Variants in HIGD2B observed in about 807,000 individuals in gnomAD.
HIGD2B encodes HIG1 hypoxia inducible domain family member 2B.
For synonymous variants in HIGD2B, 45 were observed against 28.1 expected (o/e 1.60, Z -1.90); for missense variants, 106 against 67.0 (o/e 1.58, Z -2.03).
At chr15:72,679,365 CAA>C (rs33992211) in intron 2 of HIGD2B, among the ~76,000 whole-genome samples, 1 of 123,540 alleles carries the variant, frequency 8.1e-6, no homozygotes, top group Non-Finnish European at 1.6e-5. Flanking sequence ...AACTGTGTCT[CAA>C]AAAAAAAAAA....
intron 2 of HIGD2B, among the ~76,000 whole-genome samples, chr15:72,678,872 C>T (rs1457551276): frequency 6.6e-6 from 1 of 151,984 alleles, no homozygotes; most frequent in African/African-American, 2.4e-5. Flanking sequence ...TGGCGCATGC[C>T]TGTAGTCCCA....
intron 2 of HIGD2B, among the ~76,000 whole-genome samples, chr15:72,679,436 A>G (rs1259283957): frequency 6.6e-6 from 1 of 151,642 alleles, no homozygotes; most frequent in Non-Finnish European, 1.5e-5. Context: ...GAAAGAAGGA[A>G]GGGAAGGAAG....
intron 1 of HIGD2B, among the ~76,000 whole-genome samples, chr15:72,683,509 C>T (rs774718749): frequency 3.3e-5 from 5 of 151,154 alleles, no homozygotes; most frequent in Non-Finnish European, 7.4e-5. Flanking sequence ...AGTAACCCCG[C>T]CCATGAAGAG....
chr15:72,676,930 AC>A (rs1335246316), intron 2 of HIGD2B, among the ~76,000 whole-genome samples: 1 of 152,184 alleles, frequency 6.6e-6, no homozygotes, highest in African/African-American at 2.4e-5. Context: ...GCGTGACAAA[AC>A]TGCACAGAAC....
At chr15:72,680,620 C>T (rs1273720424) in intron 1 of HIGD2B, among the ~76,000 whole-genome samples, 1 of 152,204 alleles carries the variant, frequency 6.6e-6, no homozygotes, top group Non-Finnish European at 1.5e-5. Context: ...GGTGCGTTGG[C>T]TCACGCCTGT....
rs2064683002 is a variant in HIGD2B at position 72,675,944 on chromosome 15, C to T, written c.*110G>A. On this transcript the variant is annotated 3_prime_UTR_variant, in exon 3 of 3. Coordinates refer to ENST00000311755, the MANE Select transcript of HIGD2B (RefSeq NM_001350932.3). The stretch of plus-strand genomic sequence containing the variant: ...TTACAGGAAGGGTCACTTCCTCCCC[C>T]AACGACACAGGGACCTCTCAAAGGA... 2 of 602,380 alleles carry T rather than the reference C, an allele frequency of 3.3e-6. No individual in the cohort carries two copies. Among genetic ancestry groups the T allele is most frequent in the Non-Finnish European group, 5.9e-6 (2 of 336,378 alleles). 37.3% of individuals were successfully genotyped at this position (602,380 alleles called of 1,614,324 possible). A position where few individuals can be genotyped will look rare whatever the true frequency, so the allele number is the denominator to read the frequency against.
chr15:72,685,521 C>A (rs866417341), intron 1 of HIGD2B, among the ~76,000 whole-genome samples: 6 of 152,142 alleles, frequency 3.9e-5, no homozygotes, highest in South Asian at 2.1e-4. Flanking sequence ...GCACCGGGGG[C>A]CAGACAGGTA....
At chr15:72,685,213 CCT>C (rs947390155) in intron 1 of HIGD2B, among the ~76,000 whole-genome samples, 12 of 152,212 alleles carry the variant, frequency 7.9e-5, no homozygotes, top group African/African-American at 2.6e-4. Context: ...TGGGGTTCTC[CCT>C]CTCTTAGAGG....
chr15:72,677,172 A>C (rs1054506346), intron 2 of HIGD2B, among the ~76,000 whole-genome samples: 3 of 152,162 alleles, frequency 2.0e-5, no homozygotes, highest in African/African-American at 7.2e-5. Context: ...GCTCACACCT[A>C]TAATCCCAGC....
chr15:72,677,598 T>C (rs1254596305), intron 2 of HIGD2B, among the ~76,000 whole-genome samples: 1 of 151,488 alleles, frequency 6.6e-6, no homozygotes, highest in African/African-American at 2.4e-5. Context: ...TCTGTATCTA[T>C]AAAAAATGAA....
intron 1 of HIGD2B, among the ~76,000 whole-genome samples, chr15:72,684,319 A>G (rs368755228): frequency 4.6e-5 from 7 of 152,184 alleles, no homozygotes; most frequent in East Asian, 1.9e-4. Flanking sequence ...GTAAAGTTAC[A>G]AAGACATTTA....
Position 72,676,369 on chromosome 15 carries a change from C to G in HIGD2B, c.6G>C (p.Ala2=), listed in dbSNP as rs757372228. The change falls in exon 3 of 3, where the codon GCG becomes GCC. Residue 2 remains alanine, a synonymous_variant. Coordinates refer to ENST00000311755, the MANE Select transcript of HIGD2B (RefSeq NM_001350932.3). The part of the protein sequence containing the change: M[A]TLGFVTPEAP... ...CCTCCGGAGTCACAAAGCCGAGAGT[C>G]GCCATGCCTAGGCCACAGCTGCAGG... is the stretch of plus-strand genomic sequence containing the variant. The G allele has an allele frequency of 4.0e-6, 3 of 753,716 alleles. No individual in the cohort carries two copies. Among genetic ancestry groups the G allele is most frequent in the South Asian group, 2.7e-5 (2 of 73,128 alleles). The allele number at this position is 753,716 out of a possible 1,614,324, so 46.7% of individuals were successfully genotyped here. A position where few individuals can be genotyped will look rare whatever the true frequency, so the allele number is the denominator to read the frequency against.
In HIGD2B at chr15:72,686,178, C is replaced by T. The variant is rs374945889; in HGVS notation, c.-553G>A. The T allele has an allele frequency of 1.7e-5, 26 of 1,540,466 alleles. No individual in the cohort carries two copies. The highest frequency in any genetic ancestry group is 2.3e-4 in the Middle Eastern group (1 of 4,382). ...GCCCTACGACTTCCGCTTGCCTCGT[C>T]GTCTGGGAAACCGCCGACTTCCGGC... On this transcript the variant is annotated 5_prime_UTR_variant, in exon 1 of 3. Coordinates refer to ENST00000311755, the MANE Select transcript of HIGD2B (RefSeq NM_001350932.3).
In HIGD2B at chr15:72,680,085, T is replaced by A. The variant is rs1272782696; in HGVS notation, c.-84A>T. On this transcript the variant is annotated 5_prime_UTR_variant, in exon 2 of 3. Coordinates refer to ENST00000311755, the MANE Select transcript of HIGD2B (RefSeq NM_001350932.3). ...TCATATTCCTCATAGATTCCCTGCT[T>A]TTGCCTGGGCAAAATAGTCCATCAA... The A allele has an allele frequency of 4.9e-6, 2 of 405,282 alleles. No homozygotes were observed. The highest frequency in any genetic ancestry group is 4.0e-5 in the Admixed American group (1 of 25,316). The allele number at this position is 405,282 out of a possible 1,614,324, so 25.1% of individuals were successfully genotyped here.
At position 72,686,111 on chromosome 15, in the gene HIGD2B, G is replaced by T; in HGVS notation, c.-486C>A. The stretch of plus-strand genomic sequence containing the variant: ...CTCCCCCTGATTCCTTAGGTCACTC[G>T]GCGATTTACTTCCTTCCCCCGCTTC... On this transcript the variant is annotated 5_prime_UTR_variant, in exon 1 of 3. Coordinates refer to ENST00000311755, the MANE Select transcript of HIGD2B (RefSeq NM_001350932.3). The T allele has an allele frequency of 9.2e-7, 1 of 1,087,058 alleles. No homozygotes were observed. The highest frequency in any genetic ancestry group is 1.3e-5 in the South Asian group (1 of 74,742). The allele number at this position is 1,087,058 out of a possible 1,614,324, so 67.3% of individuals were successfully genotyped here. A position where few individuals can be genotyped will look rare whatever the true frequency, so the allele number is the denominator to read the frequency against.
At chr15:72,678,901 G>C (rs1359699398) in intron 2 of HIGD2B, among the ~76,000 whole-genome samples, 1 of 151,984 alleles carries the variant, frequency 6.6e-6, no homozygotes, top group Non-Finnish European at 1.5e-5. Flanking sequence ...GGAGTCTGAG[G>C]TAGGAGGATC....
intron 1 of HIGD2B, among the ~76,000 whole-genome samples, chr15:72,681,862 T>C (rs1280862530): frequency 6.6e-6 from 1 of 152,102 alleles, no homozygotes; most frequent in African/African-American, 2.4e-5. Flanking sequence ...CTGCCTACCT[T>C]GGCCTCTCAA....
intron 2 of HIGD2B, among the ~76,000 whole-genome samples, chr15:72,677,383 A>G (rs2064703564): frequency 6.6e-6 from 1 of 152,154 alleles, no homozygotes; most frequent in South Asian, 2.1e-4. Context: ...CTGAGATCAC[A>G]CCACTGCCCT....
rs187384173 is a variant in HIGD2B, at chr15:72,677,935, T to C, written c.-13-1548A>G. Among the ~76,000 whole-genome samples the C allele has an allele frequency of 2.0e-5, 3 of 152,300 alleles. No individual in the cohort carries two copies. In the East Asian group the frequency reaches 5.8e-4, roughly 29 times the overall value. ...TTTTCTCCTCTTATTTTCTTTTGCA[T>C]TCTTGCTCTGATTGACTTCTTTCTC... On this transcript the variant is annotated intron_variant, in intron 2 of 2. Transcript: ENST00000311755.
Sources: allele counts gnomAD v4.1 joint callset (sites outside exome capture counted in the v4.1 genomes callset), GRCh38; gene constraint gnomAD v4.1.1; transcripts MANE v1.5; gene names NCBI Gene and HGNC (gene_info 2026-07-23, HGNC 2026-07-21).